Variants in DCAF8L2 observed in about 807,000 individuals in gnomAD.
DCAF8L2 encodes DDB1- and CUL4-associated factor 8-like protein 2.
For missense variants in DCAF8L2, 430 were observed against 490.7 expected, an observed-to-expected ratio of 0.88 and a Z score of 1.17; for synonymous variants, 200 against 190.9, an observed-to-expected ratio of 1.05 and a Z score of -0.39.
At chrX:27,622,086 C>T (rs745881310) in intron 1 of DCAF8L2, among the ~76,000 whole-genome samples, 15 of 110,610 alleles carry the variant, frequency 1.4e-4, no homozygotes, top group Middle Eastern at 4.7e-3. Context: ...AATTTGAAGA[C>T]GTACATCACC....
At chrX:27,647,622 C>T (rs1219801004) in intron 2 of DCAF8L2, among the ~76,000 whole-genome samples, 1 of 110,800 alleles carries the variant, frequency 9.0e-6, no homozygotes, top group Non-Finnish European at 1.9e-5. Flanking sequence ...TCTTAGTATC[C>T]AAGAGACTGG....
At chrX:27,552,550 A>G in the DCAF8L2 span, among the ~76,000 whole-genome samples, 1 of 111,881 alleles carries the variant, frequency 8.9e-6, no homozygotes, top group Non-Finnish European at 1.9e-5. Context: ...TATTGAAGAA[A>G]CTATCTTTTC....
the DCAF8L2 span, among the ~76,000 whole-genome samples, chrX:27,537,002 G>GT: frequency 8.9e-6 from 1 of 112,275 alleles, no homozygotes; most frequent in Non-Finnish European, 1.9e-5. Context: ...AAAATAAGAG[G>GT]TTTTTTTAAT....
the DCAF8L2 span, among the ~76,000 whole-genome samples, chrX:27,532,229 G>C: frequency 9.0e-6 from 1 of 110,962 alleles, no homozygotes; most frequent in Non-Finnish European, 1.9e-5. Context: ...GAGCTCCTTA[G>C]ATAAATGGCA....
intron 2 of DCAF8L2, chrX:27,633,378 G>A (rs1928371814): frequency 8.9e-6 from 1 of 111,924 alleles, no homozygotes; most frequent in Non-Finnish European, 1.9e-5. Context: ...AAATTGTACA[G>A]CATAAAAGAA....
chrX:27,658,461 GA>G (rs1172819557), intron 2 of DCAF8L2, among the ~76,000 whole-genome samples: 15 of 111,920 alleles, frequency 1.3e-4, no homozygotes, highest in African/African-American at 4.5e-4. Context: ...TAGCTTATCT[GA>G]AAAAATGTAT....
intron 2 of DCAF8L2, among the ~76,000 whole-genome samples, chrX:27,658,451 T>C (rs1272084088): frequency 8.9e-6 from 1 of 112,308 alleles, no homozygotes; most frequent in Non-Finnish European, 1.9e-5. Flanking sequence ...TGTCTATTTG[T>C]AGCTTATCTG....
At chrX:27,623,978 T>TA (rs766732602) in intron 1 of DCAF8L2, among the ~76,000 whole-genome samples, 18 of 112,144 alleles carry the variant, frequency 1.6e-4, no homozygotes, top group African/African-American at 5.2e-4. Flanking sequence ...TTACTTATGT[T>TA]ATCTCATTTA....
At chrX:27,718,980 C>T (rs910861224) in intron 4 of DCAF8L2, among the ~76,000 whole-genome samples, 1 of 111,506 alleles carries the variant, frequency 9.0e-6, no homozygotes, top group Non-Finnish European at 1.9e-5. Context: ...GCATATACAC[C>T]CACATATATC....
the DCAF8L2 span, among the ~76,000 whole-genome samples, chrX:27,499,881 T>C: frequency 9.0e-6 from 1 of 111,478 alleles, no homozygotes; most frequent in Non-Finnish European, 1.9e-5. Flanking sequence ...TTATTAGATA[T>C]ATGCTTTGCA....
At chrX:27,616,776 A>G (rs1362427149) in intron 1 of DCAF8L2, among the ~76,000 whole-genome samples, 1 of 111,242 alleles carries the variant, frequency 9.0e-6, no homozygotes, top group Non-Finnish European at 1.9e-5. Flanking sequence ...TAATTGTCCT[A>G]GGGAAAACGG....
chrX:27,693,280 T>A (rs1327380519), intron 3 of DCAF8L2, among the ~76,000 whole-genome samples: 3 of 111,341 alleles, frequency 2.7e-5, no homozygotes, highest in Non-Finnish European at 5.7e-5. Flanking sequence ...GCTCTCTGAA[T>A]CAGGAAATTT....
At chrX:27,666,885 G>A (rs945583362) in intron 2 of DCAF8L2, among the ~76,000 whole-genome samples, 1 of 112,055 alleles carries the variant, frequency 8.9e-6, no homozygotes, top group African/African-American at 3.2e-5. Context: ...TTTCCACAAT[G>A]AAGACTAGAC....
intron 2 of DCAF8L2, among the ~76,000 whole-genome samples, chrX:27,658,051 G>T (rs1460134517): frequency 8.9e-6 from 1 of 112,532 alleles, no homozygotes; most frequent in African/African-American, 3.2e-5. Context: ...TGTGGTCTTA[G>T]AATATGTGTA....
the DCAF8L2 span, among the ~76,000 whole-genome samples, chrX:27,532,776 T>A: frequency 1.0e-5 from 1 of 96,607 alleles, no homozygotes; most frequent in African/African-American, 4.1e-5. Context: ...TTATTTATTT[T>A]TAATTAGCAA....
chrX:27,709,882 AT>A (rs772248205), intron 3 of DCAF8L2, among the ~76,000 whole-genome samples: 2 of 107,904 alleles, frequency 1.9e-5, no homozygotes, highest in Non-Finnish European at 3.9e-5. Flanking sequence ...ATGCCCAATT[AT>A]TTTTTTTTGC....
At chrX:27,475,571 A>G in the DCAF8L2 span, among the ~76,000 whole-genome samples, 1 of 111,716 alleles carries the variant, frequency 9.0e-6, no homozygotes, top group Non-Finnish European at 1.9e-5. Flanking sequence ...TGTCGCTTGA[A>G]CAGGTCACCT....
At chrX:27,624,289 C>T (rs891463768) in intron 1 of DCAF8L2, among the ~76,000 whole-genome samples, 3 of 110,943 alleles carry the variant, frequency 2.7e-5, no homozygotes, top group African/African-American at 9.8e-5. Flanking sequence ...TAGAAGACCT[C>T]ACAGAATAAC....
the DCAF8L2 span, among the ~76,000 whole-genome samples, chrX:27,516,152 G>GT: frequency 6.5e-3 from 718 of 111,268 alleles, 3 homozygotes; most frequent in Non-Finnish European, 9.2e-3. Context: ...ACCCCACAGA[G>GT]TAAACAAGGC....
Sources: gnomAD v4.1 joint callset for allele counts (sites outside exome capture counted in the v4.1 genomes callset) on GRCh38, gnomAD v4.1.1 for gene constraint, MANE v1.5 for transcripts, NCBI Gene and HGNC (gene_info 2026-07-23, HGNC 2026-07-21) for gene names.